LINGO1: variants seen among roughly 807,000 people sequenced by gnomAD.
LINGO1 encodes leucine rich repeat and Ig domain containing 1.
LINGO1 carries 11 observed loss-of-function variants against 37.3 expected under a neutral mutation model. That is an observed-to-expected ratio of 0.29 (90% CI 0.19 to 0.49). The LOEUF (loss-of-function observed/expected upper bound fraction) is 0.49, where lower values mean the gene tolerates loss of function less well. Among genes scored for constraint, LINGO1 ranks in the 20% least tolerant of loss-of-function variants. LINGO1 has a pLI of 0.99. For missense variants in LINGO1, 585 were observed against 878.2 expected (o/e 0.67, Z 4.22); for synonymous variants, 387 against 403.0 (o/e 0.96, Z 0.48).
chr15:77,764,222 C>A (rs1310708446), intron 1 of LINGO1, among the ~76,000 whole-genome samples: 1 of 152,208 alleles, frequency 6.6e-6, no homozygotes, highest in Non-Finnish European at 1.5e-5. Flanking sequence ...TCTGCCCCTT[C>A]CAAGGGCAAA....
upstream of LINGO1, among the ~76,000 whole-genome samples, chr15:77,699,273 C>T (rs2075736535): frequency 6.7e-6 from 1 of 149,932 alleles, no homozygotes; most frequent in Admixed American, 6.7e-5. Context: ...GAGCCCAGAC[C>T]CTGCACACAG....
intron 3 of LINGO1, among the ~76,000 whole-genome samples, chr15:77,646,157 C>T (rs2074622662): frequency 6.6e-6 from 1 of 152,238 alleles, no homozygotes; most frequent in Admixed American, 6.5e-5. Flanking sequence ...ACCCCTGCCC[C>T]ACCTTCTAGG....
chr15:77,754,066 G>C (rs978526056), intron 1 of LINGO1, among the ~76,000 whole-genome samples: 1 of 151,948 alleles, frequency 6.6e-6, no homozygotes, highest in Admixed American at 6.6e-5. Context: ...CCCAGAGCTG[G>C]GAGAGAGAGT....
chr15:77,641,155 C>T (rs892847677), intron 3 of LINGO1, among the ~76,000 whole-genome samples: 14 of 152,164 alleles, frequency 9.2e-5, no homozygotes, highest in African/African-American at 3.1e-4. Flanking sequence ...TGAGGAAGGC[C>T]GCTGCTGGCC....
intron 1 of LINGO1, among the ~76,000 whole-genome samples, chr15:77,786,181 C>A (rs546322903): frequency 6.6e-6 from 1 of 152,312 alleles, no homozygotes; most frequent in South Asian, 2.1e-4. Flanking sequence ...GACCCACCAG[C>A]CCTGGGCCCA....
chr15:77,725,080 C>T (rs898570051), intron 2 of LINGO1, among the ~76,000 whole-genome samples: 2 of 152,232 alleles, frequency 1.3e-5, no homozygotes, highest in African/African-American at 4.8e-5. Flanking sequence ...GATGGTGGGG[C>T]TCCCTTCTGG....
In LINGO1 at chr15:77,733,656, T is replaced by C. The variant is rs1281424140; in HGVS notation, c.-195+1336A>G. The stretch of plus-strand genomic sequence containing the variant: ...GCTCCCTCTCATGGCTTGCTGTTGC[T>C]AAGATTAATGAGCTAATTAAAGTAT... On this transcript the variant is annotated intron_variant, in intron 2 of 3. Transcript: ENST00000561686. 2.0e-5 allele frequency among the ~76,000 whole-genome samples: 3 copies of C among 152,186 alleles called. No individual in the cohort carries two copies. In the East Asian group the frequency reaches 5.8e-4, roughly 29 times the overall value.
intron 1 of LINGO1, among the ~76,000 whole-genome samples, chr15:77,808,602 A>ACTCCCCTCTGTCTGGCACACAGACACAGC (rs2076979123): frequency 6.6e-6 from 1 of 151,540 alleles, no homozygotes; most frequent in African/African-American, 2.4e-5. Flanking sequence ...TGCAGCACAG[A>ACTCCCCTCTGTCTGGCACACAGACACAGC]CTCCCCTCTG....
rs113184306 is a variant in LINGO1 at position 77,653,886 on chromosome 15, C to T, written c.-13+23203G>A. Among the ~76,000 whole-genome samples the T allele has an allele frequency of 5.8e-3, 878 of 152,312 alleles. 9 individuals carry two copies. The highest frequency in any genetic ancestry group is 0.02 in the African/African-American group (824 of 41,554). The stretch of plus-strand genomic sequence containing the variant: ...CCAAGCTCCCATTCCCTTCAGTTCA[C>T]TGAATGTTGACAGCATCCCTGTGTG... On this transcript the variant is annotated intron_variant, in intron 3 of 3. Transcript: ENST00000559893.
At chr15:77,663,723 G>A (rs890209614) in intron 3 of LINGO1, among the ~76,000 whole-genome samples, 4 of 152,172 alleles carry the variant, frequency 2.6e-5, no homozygotes, top group African/African-American at 7.2e-5. Context: ...CCAGAGATAC[G>A]GGCCTCCCCT....
chr15:77,731,981 T>C (rs2076158491), intron 2 of LINGO1, among the ~76,000 whole-genome samples: 1 of 152,168 alleles, frequency 6.6e-6, no homozygotes, highest in East Asian at 1.9e-4. Context: ...CTGAACTGGC[T>C]CTGCTGCCCA....
At chr15:77,628,210 G>A (rs1270570799) in intron 1 of LINGO1, among the ~76,000 whole-genome samples, 1 of 152,224 alleles carries the variant, frequency 6.6e-6, no homozygotes, top group Non-Finnish European at 1.5e-5. Flanking sequence ...TCTGCTCCTA[G>A]CTGTGTGCCC....
intron 3 of LINGO1, chr15:77,649,181 A>G (rs762945321): frequency 6.6e-6 from 1 of 152,252 alleles, no homozygotes; most frequent in Non-Finnish European, 1.5e-5. Context: ...TGGCTGGCCA[A>G]TGTAAATGTG....
chr15:77,744,534 C>A, intron 1 of LINGO1, among the ~76,000 whole-genome samples: 1 of 152,076 alleles, frequency 6.6e-6, no homozygotes, highest in East Asian at 1.9e-4. Flanking sequence ...GACCCTACAT[C>A]AAAATTAAAA....
chr15:77,758,502 T>C (rs1268005823), intron 1 of LINGO1, among the ~76,000 whole-genome samples: 1 of 152,104 alleles, frequency 6.6e-6, no homozygotes, highest in Non-Finnish European at 1.5e-5. Flanking sequence ...GAGAGACAGC[T>C]GTACCTGGGG....
chr15:77,635,301 T>A (rs547502769), upstream of LINGO1, among the ~76,000 whole-genome samples: 1 of 152,180 alleles, frequency 6.6e-6, no homozygotes, highest in East Asian at 1.9e-4. Context: ...ACGGGGAGCT[T>A]TGGGGGAACA....
At chr15:77,764,517 TA>T (rs1022412476) in intron 1 of LINGO1, among the ~76,000 whole-genome samples, 1 of 152,140 alleles carries the variant, frequency 6.6e-6, no homozygotes, top group African/African-American at 2.4e-5. Flanking sequence ...CCACTTTTTT[TA>T]AAAGGCAAAG....
chr15:77,628,770 C>T (rs554205530), intron 1 of LINGO1, among the ~76,000 whole-genome samples: 2 of 152,270 alleles, frequency 1.3e-5, no homozygotes, highest in African/African-American at 4.8e-5. Flanking sequence ...TGAGTAAGAG[C>T]CCCAGCCCAG....
At chr15:77,705,206 C>CACACACACACACA (rs57434698) in intron 2 of LINGO1, among the ~76,000 whole-genome samples, 25 of 149,034 alleles carry the variant, frequency 1.7e-4, no homozygotes, top group Admixed American at 3.3e-4. Context: ...CACACACACA[C>CACACACACACACA]CAGTCCACTT....
Sources: allele counts gnomAD v4.1 joint callset (sites outside exome capture counted in the v4.1 genomes callset), GRCh38; gene constraint gnomAD v4.1.1; transcripts MANE v1.5; gene names NCBI Gene and HGNC (gene_info 2026-07-23, HGNC 2026-07-21).